Variants in CECR2 observed in about 807,000 individuals in gnomAD.
CECR2 encodes the protein CECR2 histone acetyl-lysine reader.
CECR2 carries 30 observed loss-of-function variants against 154.5 expected under a neutral mutation model. The ratio of observed to expected loss-of-function variants is 0.19; its 90% CI spans 0.15 to 0.26. CECR2 has a LOEUF of 0.26. Ranked by LOEUF, CECR2 falls within the 10% of genes least tolerant of loss-of-function variation. CECR2 has a pLI of 1.00. For missense variants in CECR2, 1,743 were observed against 1,829.3 expected (o/e 0.95, Z 0.86); for synonymous variants, 725 against 683.7 (o/e 1.06, Z -0.94).
chr22:17,378,851 G>T (rs1196471274), intron 1 of CECR2, among the ~76,000 whole-genome samples: 1 of 152,120 alleles, frequency 6.6e-6, no homozygotes, highest in African/African-American at 2.4e-5. Context: ...CAAACCTTTA[G>T]TATTTTTGTT....
chr22:17,388,603 A>G (rs1478315091), intron 1 of CECR2, among the ~76,000 whole-genome samples: 2 of 152,194 alleles, frequency 1.3e-5, no homozygotes, highest in African/African-American at 4.8e-5. Context: ...ATTAAATTTT[A>G]GCTAGTGTCG....
chr22:17,433,388 G>A (rs929904427), intron 1 of CECR2, among the ~76,000 whole-genome samples: 1 of 152,150 alleles, frequency 6.6e-6, no homozygotes, highest in Admixed American at 6.5e-5. Context: ...TTTGCTCAAA[G>A]AAGTTAAAAT....
intron 1 of CECR2, among the ~76,000 whole-genome samples, chr22:17,423,507 A>C (rs1482866837): frequency 3.3e-5 from 1 of 30,284 alleles, no homozygotes; most frequent in Middle Eastern, 0.011. Flanking sequence ...ACTCTGTCTC[A>C]AAAAAAAAAA....
intron 1 of CECR2, among the ~76,000 whole-genome samples, chr22:17,473,322 A>G (rs368034959): frequency 6.6e-5 from 10 of 152,318 alleles, no homozygotes; most frequent in South Asian, 6.2e-4. Flanking sequence ...AGGAAATACA[A>G]AAGAGGAGGA....
At chr22:17,435,479 A>G (rs772232931) in intron 1 of CECR2, among the ~76,000 whole-genome samples, 3 of 152,146 alleles carry the variant, frequency 2.0e-5, no homozygotes, top group Non-Finnish European at 2.9e-5. Flanking sequence ...TAGAATTCAC[A>G]AAAGTTAGAT....
intron 1 of CECR2, among the ~76,000 whole-genome samples, chr22:17,469,691 T>A (rs980922436): frequency 4.6e-5 from 7 of 152,164 alleles, no homozygotes; most frequent in African/African-American, 1.7e-4. Flanking sequence ...AGATTTCTTC[T>A]TGATTGGATT....
At chr22:17,472,831 A>G (rs2055149256) in intron 1 of CECR2, among the ~76,000 whole-genome samples, 1 of 152,232 alleles carries the variant, frequency 6.6e-6, no homozygotes, top group African/African-American at 2.4e-5. Flanking sequence ...GCATTTAGCA[A>G]TATCCTGCAT....
intron 2 of CECR2, among the ~76,000 whole-genome samples, chr22:17,484,179 C>CA (rs1161349290): frequency 6.6e-6 from 1 of 152,178 alleles, no homozygotes; most frequent in Non-Finnish European, 1.5e-5. Context: ...TTATGTTAAG[C>CA]AATGCGTGGC....
Position 17,386,363 on chromosome 22 carries a change from T to A in CECR2, c.126+16454T>A, listed in dbSNP as rs182198389. On this transcript the variant is annotated intron_variant, in intron 1 of 18. Transcript: ENST00000262608. ...GCATGGTGAGAAAGGAAGGGCGTTT[T>A]AAAAAAAAACTTTTTTCACAAAGAA... 2.4e-4 allele frequency among the ~76,000 whole-genome samples: 36 copies of A among 151,558 alleles called. No individual in the cohort carries two copies. The East Asian group carries it at 5.4e-3, about 23-fold the overall frequency.
intron 1 of CECR2, among the ~76,000 whole-genome samples, chr22:17,360,678 GAA>G (rs34750748): frequency 5.8e-4 from 78 of 133,718 alleles, no homozygotes; most frequent in Middle Eastern, 4.1e-3. Context: ...CTCCATCTCG[GAA>G]AAAAAAAAAA....
At chr22:17,381,901 T>C (rs1376620644) in intron 1 of CECR2, among the ~76,000 whole-genome samples, 1 of 151,682 alleles carries the variant, frequency 6.6e-6, no homozygotes, top group East Asian at 1.9e-4. Flanking sequence ...TTTTTTGTTT[T>C]TTTTGAGACG....
At chr22:17,543,224 C>T (rs1163629855) in intron 16 of CECR2, among the ~76,000 whole-genome samples, 2 of 152,098 alleles carry the variant, frequency 1.3e-5, no homozygotes, top group Admixed American at 6.6e-5. Context: ...GTTCCACCTC[C>T]CGGGTTCATG....
intron 1 of CECR2, among the ~76,000 whole-genome samples, chr22:17,455,457 CAT>C (rs2054838147): frequency 6.6e-6 from 1 of 152,202 alleles, no homozygotes; most frequent in African/African-American, 2.4e-5. Context: ...AGGATTTACA[CAT>C]ATTGATCGTT....
chr22:17,461,632 C>A (rs2054939259), intron 1 of CECR2, among the ~76,000 whole-genome samples: 1 of 152,160 alleles, frequency 6.6e-6, no homozygotes, highest in Non-Finnish European at 1.5e-5. Flanking sequence ...GTGAGCCCTT[C>A]TCATGGGCAA....
At position 17,534,294 on chromosome 22, in the gene CECR2, A is replaced by C. The variant is rs548972556; in HGVS notation, c.1109-2809A>C. Among the ~76,000 whole-genome samples the C allele has an allele frequency of 2.6e-4, 40 of 152,004 alleles. No homozygotes were observed. In the South Asian group the frequency reaches 3.5e-3, roughly 13 times the overall value. ...TGACCTATGATCCCAACAGAGCGAG[A>C]CCCCTGTCTCTTGGGAGAGAACAGT... On this transcript the variant is annotated intron_variant, in intron 9 of 18. Transcript: ENST00000262608.
intron 1 of CECR2, among the ~76,000 whole-genome samples, chr22:17,375,463 C>A (rs1191315857): frequency 6.6e-6 from 1 of 152,022 alleles, no homozygotes; most frequent in Non-Finnish European, 1.5e-5. Flanking sequence ...TACTAGGTGC[C>A]GATATGGTTG....
chr22:17,402,944 A>T (rs1457454603), intron 1 of CECR2, among the ~76,000 whole-genome samples: 2 of 151,546 alleles, frequency 1.3e-5, no homozygotes, highest in Non-Finnish European at 2.9e-5. Context: ...TTTAGTAGAG[A>T]CGGGGTTTCT....
intron 7 of CECR2, among the ~76,000 whole-genome samples, chr22:17,510,686 C>T (rs1204032789): frequency 5.9e-5 from 9 of 152,270 alleles, no homozygotes. Flanking sequence ...ACTGCAAGCT[C>T]CGCCTGCCAG....
intron 1 of CECR2, among the ~76,000 whole-genome samples, chr22:17,383,387 T>C (rs1164835615): frequency 6.6e-6 from 1 of 152,234 alleles, no homozygotes; most frequent in African/African-American, 2.4e-5. Flanking sequence ...TCTTTCAAAA[T>C]TGAAGTTGGT....
Sources: allele counts gnomAD v4.1 joint callset (sites outside exome capture counted in the v4.1 genomes callset), GRCh38; gene constraint gnomAD v4.1.1; transcripts MANE v1.5; gene names NCBI Gene and HGNC (gene_info 2026-07-23, HGNC 2026-07-21).